The following DRC11 variants were observed in gnomAD, a reference collection of about 807,000 sequenced individuals.
DRC11 encodes the protein dynein regulatory complex subunit 11, also known as IQ and AAA domain-containing protein 1.
At chr2:236,434,520 A>C in the DRC11 span, among the ~76,000 whole-genome samples, 927 of 152,272 alleles carry the variant, frequency 6.1e-3, 9 homozygotes, top group African/African-American at 0.021. This position sits in a 1 kb window ranked among gnomAD's most constrained non-coding sequence, Gnocchi z 5.5. Context: ...CGTTGCTAGT[A>C]ATCTCCATTT....
chr2:236,465,597 C>T, the DRC11 span: 2 of 1,613,934 alleles, frequency 1.2e-6, no homozygotes, highest in East Asian at 2.2e-5. This position sits in a 1 kb window ranked among gnomAD's most constrained non-coding sequence, Gnocchi z 6.2. Flanking sequence ...TGATGGTAAC[C>T]AGGGCTTCCC....
the DRC11 span, among the ~76,000 whole-genome samples, chr2:236,416,165 C>T: frequency 1.3e-5 from 2 of 152,110 alleles, no homozygotes. Context: ...GAGGGAGAAG[C>T]TAAGTTATGA....
the DRC11 span, among the ~76,000 whole-genome samples, chr2:236,367,400 CAAGTTCTGAAGTCTT>C: frequency 2.6e-5 from 4 of 151,206 alleles, no homozygotes; most frequent in Non-Finnish European, 5.9e-5. This position sits in a 1 kb window ranked among gnomAD's most constrained non-coding sequence, Gnocchi z 4.8. Context: ...TGCCAATAGG[CAAGTTCTGAAGTCTT>C]AAGTTCTGAA....
chr2:236,329,076 C>A, the DRC11 span, among the ~76,000 whole-genome samples: 1 of 152,230 alleles, frequency 6.6e-6, no homozygotes, highest in African/African-American at 2.4e-5. Context: ...CTTTGGATAG[C>A]AATGCTGGGC....
At chr2:236,388,739 T>G in the DRC11 span, among the ~76,000 whole-genome samples, 8 of 150,494 alleles carry the variant, frequency 5.3e-5, no homozygotes, top group Non-Finnish European at 1.5e-5. Context: ...AGAGGCGCTC[T>G]GCTTTTTAGA....
the DRC11 span, among the ~76,000 whole-genome samples, chr2:236,424,303 T>C: frequency 5.6e-4 from 85 of 152,244 alleles, 2 homozygotes; most frequent in Non-Finnish European, 3.4e-4. Flanking sequence ...TAAATTTCAC[T>C]GTGGCCTTAT....
At chr2:236,341,490 A>T in the DRC11 span, among the ~76,000 whole-genome samples, 1 of 152,160 alleles carries the variant, frequency 6.6e-6, no homozygotes, top group African/African-American at 2.4e-5. Flanking sequence ...TAGAGGTGTG[A>T]GGGGTTCTTT....
chr2:236,401,389 T>C, the DRC11 span, among the ~76,000 whole-genome samples: 1 of 152,164 alleles, frequency 6.6e-6, no homozygotes, highest in Admixed American at 6.5e-5. The surrounding 1 kb of genome is among the most constrained non-coding windows in gnomAD (Gnocchi z 4.6). Context: ...TTGACAGGAT[T>C]GTCACTTCCT....
At chr2:236,465,392 G>A in the DRC11 span, 13 of 876,012 alleles carry the variant, frequency 1.5e-5, no homozygotes, top group South Asian at 1.5e-4. This position sits in a 1 kb window ranked among gnomAD's most constrained non-coding sequence, Gnocchi z 6.2. Flanking sequence ...TTTCTAAAAC[G>A]AAGCCGAGAA....
chr2:236,460,229 C>T, the DRC11 span, among the ~76,000 whole-genome samples: 56 of 152,296 alleles, frequency 3.7e-4, no homozygotes, highest in Non-Finnish European at 7.4e-4. The surrounding 1 kb of genome is among the most constrained non-coding windows in gnomAD (Gnocchi z 4.0). Context: ...AGCACACCCA[C>T]GAGGACGACT....
At chr2:236,415,845 A>C in the DRC11 span, among the ~76,000 whole-genome samples, 1 of 152,236 alleles carries the variant, frequency 6.6e-6, no homozygotes, top group East Asian at 1.9e-4. This position sits in a 1 kb window ranked among gnomAD's most constrained non-coding sequence, Gnocchi z 5.7. Flanking sequence ...TGCAAGTATA[A>C]AACTCCCTTG....
the DRC11 span, among the ~76,000 whole-genome samples, chr2:236,498,330 T>G: frequency 3.3e-5 from 5 of 150,802 alleles, no homozygotes; most frequent in Admixed American, 6.6e-5. Context: ...CCAGGCATAG[T>G]GGCGCCCGCC....
the DRC11 span, among the ~76,000 whole-genome samples, chr2:236,474,717 T>C: frequency 6.6e-6 from 1 of 152,160 alleles, no homozygotes; most frequent in Non-Finnish European, 1.5e-5. Flanking sequence ...TGACATATCA[T>C]CATGTACCTA....
the DRC11 span, among the ~76,000 whole-genome samples, chr2:236,459,589 GTATACGTATACA>G: frequency 1.4e-4 from 18 of 125,698 alleles, no homozygotes; most frequent in South Asian, 2.3e-4. Flanking sequence ...ACGTATATAC[GTATACGTATACA>G]TATATACGTA....
the DRC11 span, among the ~76,000 whole-genome samples, chr2:236,307,980 A>AGCGTCCTCGTGTGCTTGCAGTGACGCAG: frequency 9.1e-4 from 119 of 130,556 alleles, 37 homozygotes; most frequent in Admixed American, 7.0e-3. This position sits in a 1 kb window ranked among gnomAD's most constrained non-coding sequence, Gnocchi z 7.0. Context: ...CAGTGACACA[A>AGCGTCCTCGTGTGCTTGCAGTGACGCAG]GCGTCCTCGT....
the DRC11 span, among the ~76,000 whole-genome samples, chr2:236,420,005 CT>C: frequency 1.3e-5 from 2 of 152,196 alleles, no homozygotes; most frequent in Admixed American, 1.3e-4. The surrounding 1 kb of genome is among the most constrained non-coding windows in gnomAD (Gnocchi z 4.8). Flanking sequence ...CTGCTCATGA[CT>C]TGTCATGTGG....
the DRC11 span, among the ~76,000 whole-genome samples, chr2:236,439,800 C>G: frequency 1.3e-5 from 2 of 152,016 alleles, no homozygotes; most frequent in Non-Finnish European, 2.9e-5. Flanking sequence ...TTTTTTCCAA[C>G]AGATTTAACC....
At chr2:236,397,076 G>C in the DRC11 span, among the ~76,000 whole-genome samples, 1 of 152,268 alleles carries the variant, frequency 6.6e-6, no homozygotes, top group African/African-American at 2.4e-5. The surrounding 1 kb of genome is among the most constrained non-coding windows in gnomAD (Gnocchi z 5.0). Flanking sequence ...GAGTGCCGGA[G>C]GTGGAGCGTG....
the DRC11 span, among the ~76,000 whole-genome samples, chr2:236,477,954 G>T: frequency 6.6e-6 from 1 of 151,814 alleles, no homozygotes; most frequent in Non-Finnish European, 1.5e-5. Flanking sequence ...CTAGCTAAAA[G>T]TCTGTTAATT....
Sources: gnomAD v4.1 joint callset for allele counts (sites outside exome capture counted in the v4.1 genomes callset) on GRCh38, gnomAD v4.1.1 for gene constraint, Gnocchi (gnomAD v3.1) non-coding constraint, MANE v1.5 for transcripts, NCBI Gene and HGNC (gene_info 2026-07-23, HGNC 2026-07-21) for gene names.